The following MFGE8 variants were observed in gnomAD, a reference collection of about 807,000 sequenced individuals.
MFGE8 encodes the protein lactadherin.
MFGE8 carries 34 observed loss-of-function variants against 42.6 expected under a neutral mutation model. That is an observed-to-expected ratio of 0.80 (90% CI 0.61 to 1.06). The LOEUF (loss-of-function observed/expected upper bound fraction) is 1.06. Among genes scored for constraint, MFGE8 ranks in the 50% least tolerant of loss-of-function variants. The probability of loss-of-function intolerance (pLI) is 0.00; values close to 1 mark genes in which losing one functional copy is unlikely to be tolerated. For missense variants in MFGE8, 510 were observed against 516.9 expected, an observed-to-expected ratio of 0.99 and a Z score of 0.13; for synonymous variants, 230 against 214.8, an observed-to-expected ratio of 1.07 and a Z score of -0.62.
Position 88,906,652 on chromosome 15 carries a change from T to G in MFGE8, c.514A>C (p.Ile172Leu), listed in dbSNP as rs756622164. ...YSLNGHEFDFIHDVNKKHKEF... is the reference protein window; with the variant it reads ...YSLNGHEFDFLHDVNKKHKEF... The stretch of plus-strand genomic sequence containing the variant: ...TTGTGTTTTTTATTAACATCATGGA[T>G]GAAATCGAATTCGTGTCCATTAAGG... The change falls in exon 4 of 8, where the codon ATC becomes CTC. Residue 172 changes from isoleucine (I) to leucine (L), a missense_variant. Transcript: ENST00000268150. The surrounding 1 kb of genome is among the most constrained non-coding windows in gnomAD (Gnocchi z 4.2). 2 of 1,614,042 alleles carry G rather than the reference T, an allele frequency of 1.2e-6. No homozygotes were observed. Among genetic ancestry groups the G allele is most frequent in the East Asian group, 2.2e-5 (1 of 44,870 alleles).
chr15:88,913,217 G>C (rs752448746), intron 1 of MFGE8, 30 bp downstream of exon 1: 2 of 1,491,904 alleles, frequency 1.3e-6, no homozygotes, highest in East Asian at 2.8e-5. Context: ...GAGGAGGGGC[G>C]AGGGGCAGAG....
In MFGE8 at chr15:88,905,904, A is replaced by G. The variant is rs2141709065; in HGVS notation, c.541-3T>C. 1 of 1,614,128 alleles carries G rather than the reference A, an allele frequency of 6.2e-7. No homozygotes were observed. The highest frequency in any genetic ancestry group is 2.2e-5 in the East Asian group (1 of 44,880). The stretch of plus-strand genomic sequence containing the variant: ...TTGTTCCAGTTACCCACAAACTCCT[A>G]GCAGGGAAGGGACAAGACTGGAGAA... On this transcript the variant is annotated splice_region_variant and splice_polypyrimidine_tract_variant and intron_variant, in intron 4 of 7. Coordinates refer to ENST00000268150, the MANE Select transcript of MFGE8 (RefSeq NM_005928.4). This position sits in a 1 kb window ranked among gnomAD's most constrained non-coding sequence, Gnocchi z 6.6.
chr15:88,909,166 CCCA>C (rs368232432), intron 2 of MFGE8, among the ~76,000 whole-genome samples: 13 of 152,316 alleles, frequency 8.5e-5, no homozygotes, highest in African/African-American at 2.9e-4. Flanking sequence ...CTGTTGCCAC[CCCA>C]CCTAGGGCCA....
At position 88,899,258 on chromosome 15, in the gene MFGE8, G is replaced by A. The variant is rs1898246971; in HGVS notation, c.*137C>T. 2 of 1,177,282 alleles carry A rather than the reference G, an allele frequency of 1.7e-6. No individual in the cohort carries two copies. Among genetic ancestry groups the A allele is most frequent in the Middle Eastern group, 2.8e-4 (1 of 3,608 alleles). 72.9% of individuals were successfully genotyped at this position (1,177,282 alleles called of 1,614,324 possible). ...GAGGGTGGGAAAGAGGGAGGGAGGGGTGACTGTGTGGTGGTGCTGCCTCTG... is the reference window on the plus strand; with the variant it reads ...GAGGGTGGGAAAGAGGGAGGGAGGGATGACTGTGTGGTGGTGCTGCCTCTG... On this transcript the variant is annotated 3_prime_UTR_variant, in exon 8 of 8. Transcript: ENST00000268150. The surrounding 1 kb of genome is among the most constrained non-coding windows in gnomAD (Gnocchi z 6.8).
chr15:88,908,995 C>T (rs1015591975), intron 2 of MFGE8, among the ~76,000 whole-genome samples: 1 of 152,166 alleles, frequency 6.6e-6, no homozygotes, highest in Non-Finnish European at 1.5e-5. Context: ...AGATGCTCAG[C>T]GATTGACCTG....
chr15:88,907,989 C>T (rs529167721), intron 2 of MFGE8, among the ~76,000 whole-genome samples: 48 of 152,326 alleles, frequency 3.2e-4, no homozygotes, highest in African/African-American at 9.1e-4. Flanking sequence ...ATCCCACTGG[C>T]AGGAGTTCTC....
Position 88,901,698 on chromosome 15 carries a change from G to A in MFGE8, c.723C>T (p.Ile241=). 1 of 1,613,806 alleles carries A rather than the reference G, an allele frequency of 6.2e-7. No homozygotes were observed. The highest frequency in any genetic ancestry group is 1.7e-5 in the Admixed American group (1 of 59,962). ...TGGAGGCCGTGATCTGCTTGTCAGGGATGCTGTTATTCTTCAGGCCCAGGG... is the reference window on the plus strand; with the variant it reads ...TGGAGGCCGTGATCTGCTTGTCAGGAATGCTGTTATTCTTCAGGCCCAGGG... ...ANPLGLKNNS[I]PDKQITASSS... is the part of the protein sequence containing the mutation. The change falls in exon 6 of 8, where the codon ATC becomes ATT. Residue 241 remains isoleucine, a synonymous_variant. Coordinates refer to ENST00000268150, the MANE Select transcript of MFGE8 (RefSeq NM_005928.4).
intron 5 of MFGE8, chr15:88,904,455 C>T (rs1394680446): frequency 6.6e-6 from 1 of 152,172 alleles, no homozygotes; most frequent in Non-Finnish European, 1.5e-5. Context: ...GACAGGGTAC[C>T]TGGGCTTCCT....
At chr15:88,901,909 T>G in intron 5 of MFGE8, 174 bp from the exon 6 acceptor site, 1 of 666,342 alleles carries the variant, frequency 1.5e-6, no homozygotes, top group Non-Finnish European at 2.7e-6. Flanking sequence ...ACCTTCTCAC[T>G]GCCGACCCCA....
Position 88,913,034 on chromosome 15 carries a change from A to T in MFGE8, c.73+213T>A, listed in dbSNP as rs564751003. 5.1e-6 allele frequency: 5 copies of T among 985,360 alleles called. No homozygotes were observed. The East Asian group carries it at 5.7e-4, about 112-fold the overall frequency. The allele number at this position is 985,360 out of a possible 1,614,324, so 61.0% of individuals were successfully genotyped here. ...GGCAGGGCTGTCACCCGATGTCCCG[A>T]GTCCCAGCCCAAAAGCCCCAGCGCA... On this transcript the variant is annotated intron_variant, in intron 1 of 7. Coordinates refer to ENST00000268150, the MANE Select transcript of MFGE8 (RefSeq NM_005928.4).
In MFGE8 at chr15:88,901,580, C is replaced by T; in HGVS notation, c.841G>A (p.Gly281Arg). 1 of 1,613,972 alleles carries T rather than the reference C, an allele frequency of 6.2e-7. No homozygotes were observed. The highest frequency in any genetic ancestry group is 8.5e-7 in the Non-Finnish European group (1 of 1,180,002). Reference protein sequence around the residue: ...KQGNFNAWVAGSYGNDQWLQV... With the variant: ...KQGNFNAWVARSYGNDQWLQV... The stretch of plus-strand genomic sequence containing the variant: ...AGCCACTGATCGTTACCGTAGCTCC[C>T]CGCAACCCAGGCGTTGAAGTTGCCC... Residue 281 changes from glycine (G) to arginine (R), a missense_variant, in exon 6 of 8, where the codon GGG (glycine) becomes AGG (arginine). Gly to Arg is a moderately radical substitution (Grantham distance 125). Coordinates refer to ENST00000268150, the MANE Select transcript of MFGE8 (RefSeq NM_005928.4).
chr15:88,899,652 C>A lies in MFGE8; in HGVS notation c.1026+4G>T, dbSNP rs1200993135. The A allele has an allele frequency of 6.2e-7, 1 of 1,614,006 alleles. No individual in the cohort carries two copies. Among genetic ancestry groups the A allele is most frequent in the Non-Finnish European group, 8.5e-7 (1 of 1,179,930 alleles). On this transcript the variant is annotated splice_donor_region_variant and intron_variant, in intron 7 of 7. Transcript: ENST00000268150. This position sits in a 1 kb window ranked among gnomAD's most constrained non-coding sequence, Gnocchi z 6.8. ...AAAGGGTGGGCAGCTGGACAGACAC[C>A]CACCTTACTGCTGCCAGTCCTGGGG...
intron 2 of MFGE8, among the ~76,000 whole-genome samples, chr15:88,907,940 A>G (rs1898777001): frequency 6.6e-6 from 1 of 152,200 alleles, no homozygotes; most frequent in Admixed American, 6.5e-5. Flanking sequence ...CCAGCACTGT[A>G]CACAAAGAAA....
In MFGE8 at chr15:88,903,939, A is replaced by T. The variant is rs1054088192; in HGVS notation, c.685+1818T>A. The T allele has an allele frequency of 6.6e-6, 1 of 152,134 alleles. No homozygotes were observed. The highest frequency in any genetic ancestry group is 6.5e-5 in the Admixed American group (1 of 15,272). 9.4% of individuals were successfully genotyped at this position (152,134 alleles called of 1,614,324 possible). ...TGCCCCAGGGCCTTTGCATTTACCA[A>T]TTCCTTGCCTGCAGTGCTCTTTTTG... On this transcript the variant is annotated intron_variant, in intron 5 of 7. Transcript: ENST00000268150. This position sits in a 1 kb window ranked among gnomAD's most constrained non-coding sequence, Gnocchi z 4.9.
rs1898494915 is a variant in MFGE8 at position 88,902,814 on chromosome 15, G to C, written c.686-1079C>G. ...AGTGTCTATCCCTCTGGGGAATTGA[G>C]GGAGGCAGGAGTGGACGGTGGGACT... On this transcript the variant is annotated intron_variant, in intron 5 of 7. Coordinates refer to ENST00000268150, the MANE Select transcript of MFGE8 (RefSeq NM_005928.4). The surrounding 1 kb of genome is among the most constrained non-coding windows in gnomAD (Gnocchi z 4.3). 6.6e-6 allele frequency: 1 copy of C among 152,242 alleles called. No homozygotes were observed. The highest frequency in any genetic ancestry group is 1.5e-5 in the Non-Finnish European group (1 of 68,068). The allele number at this position is 152,242 out of a possible 1,614,324, so 9.4% of individuals were successfully genotyped here.
chr15:88,901,003 TCA>T (rs72223129), intron 6 of MFGE8, among the ~76,000 whole-genome samples: 22,553 of 72,050 alleles, frequency 0.31, 2,318 homozygotes, highest in African/African-American at 0.42. Context: ...ACACACACAT[TCA>T]CACACACACA....
In MFGE8 at chr15:88,907,249, T is replaced by C; in HGVS notation, c.333A>G (p.Ala111=). Residue 111 remains alanine, a synonymous_variant, in exon 3 of 8, where the codon GCA becomes GCG. Transcript: ENST00000268150. ...TGGGTGTCCAGGCATTGACCATGCC[T>C]GCGCGGTTCAGGCGGGCCAGCTCCG... is the stretch of plus-strand genomic sequence containing the variant. ...WVPELARLNR[A]GMVNAWTPSS... The C allele has an allele frequency of 6.2e-7, 1 of 1,614,058 alleles. No homozygotes were observed. The highest frequency in any genetic ancestry group is 8.5e-7 in the Non-Finnish European group (1 of 1,179,996).
chr15:88,907,716 C>CA (rs397953956), intron 2 of MFGE8, among the ~76,000 whole-genome samples: 7 of 151,498 alleles, frequency 4.6e-5, no homozygotes, highest in African/African-American at 7.3e-5. Context: ...TCCCCCCCGC[C>CA]AGGCTGTGGG....
chr15:88,908,940 C>A (rs1010427836), intron 2 of MFGE8, among the ~76,000 whole-genome samples: 1 of 152,192 alleles, frequency 6.6e-6, no homozygotes, highest in Non-Finnish European at 1.5e-5. Flanking sequence ...GAACCCATCC[C>A]CACATCTCCC....
Sources: allele counts gnomAD v4.1 joint callset (sites outside exome capture counted in the v4.1 genomes callset), GRCh38; gene constraint gnomAD v4.1.1; non-coding constraint Gnocchi (gnomAD v3.1); transcripts MANE v1.5; gene names NCBI Gene and HGNC (gene_info 2026-07-23, HGNC 2026-07-21).